The following EPHA5 variants were observed in gnomAD, a reference collection of about 807,000 sequenced individuals.
EPHA5 encodes the protein EPH receptor A5, also known as ephrin type-A receptor 5.
In EPHA5, 60 loss-of-function variants were observed where a neutral mutation model predicts 105.0. The ratio of observed to expected loss-of-function variants is 0.57; its 90% CI spans 0.46 to 0.71. The LOEUF is 0.71. EPHA5 is among the 30% of genes least tolerant of loss of function. The pLI, the probability that EPHA5 is intolerant of heterozygous loss-of-function variation, is 0.00. For synonymous variants in EPHA5, 513 were observed against 449.1 expected (o/e 1.14, Z -1.80); for missense variants, 1,218 against 1,274.7 (o/e 0.96, Z 0.68).
intron 3 of EPHA5, among the ~76,000 whole-genome samples, chr4:65,511,862 T>C (rs773754055): frequency 6.6e-6 from 1 of 152,168 alleles, no homozygotes; most frequent in Non-Finnish European, 1.5e-5. Flanking sequence ...CAAAACACCT[T>C]GTAGGTTTCC....
intron 3 of EPHA5, among the ~76,000 whole-genome samples, chr4:65,597,270 C>T (rs912545855): frequency 2.0e-5 from 3 of 152,134 alleles, no homozygotes; most frequent in African/African-American, 4.8e-5. Context: ...CAAATTACTA[C>T]TTCATTCCAC....
intron 3 of EPHA5, among the ~76,000 whole-genome samples, chr4:65,552,721 C>A (rs1195703624): frequency 3.9e-5 from 6 of 152,136 alleles, no homozygotes; most frequent in Non-Finnish European, 8.8e-5. Context: ...AAATATCAAT[C>A]ATGTTCAAGG....
At chr4:65,538,474 C>T (rs537098304) in intron 3 of EPHA5, among the ~76,000 whole-genome samples, 1 of 151,876 alleles carries the variant, frequency 6.6e-6, no homozygotes, top group South Asian at 2.1e-4. Flanking sequence ...CAAAAGTCAT[C>T]GTGCCTTGCC....
At chr4:65,606,109 C>T (rs549330362) in intron 2 of EPHA5, among the ~76,000 whole-genome samples, 4 of 152,266 alleles carry the variant, frequency 2.6e-5, no homozygotes, top group East Asian at 1.9e-4. Context: ...TTCCTTGATT[C>T]GTTGCATTAA....
At chr4:65,380,570 G>C (rs1719455599) in intron 8 of EPHA5, among the ~76,000 whole-genome samples, 1 of 151,636 alleles carries the variant, frequency 6.6e-6, no homozygotes, top group Admixed American at 6.6e-5. Context: ...CATAGAATTG[G>C]ATAATAAAAA....
At chr4:65,409,028 A>C (rs1332309535) in intron 7 of EPHA5, among the ~76,000 whole-genome samples, 1 of 148,534 alleles carries the variant, frequency 6.7e-6, no homozygotes, top group Non-Finnish European at 1.5e-5. Flanking sequence ...GGATGAGTTC[A>C]TGTCCTTTTT....
chr4:65,440,488 T>G (rs1226021172), intron 5 of EPHA5, among the ~76,000 whole-genome samples: 1 of 119,644 alleles, frequency 8.4e-6, no homozygotes, highest in Non-Finnish European at 1.7e-5. Flanking sequence ...ACTTATACTT[T>G]TCCTAAATCT....
At chr4:65,331,759 G>C (rs1310746789) in intron 16 of EPHA5, 3 of 1,231,424 alleles carry the variant, frequency 2.4e-6, no homozygotes, top group Non-Finnish European at 3.0e-6. Flanking sequence ...GTATGCCAAT[G>C]TTATTTGTTT....
intron 2 of EPHA5, among the ~76,000 whole-genome samples, chr4:65,608,068 G>T (rs969599907): frequency 6.6e-6 from 1 of 152,164 alleles, no homozygotes; most frequent in African/African-American, 2.4e-5. Flanking sequence ...GCGGCTAGGG[G>T]AGGGATAGCA....
At chr4:65,520,044 A>C (rs998314993) in intron 3 of EPHA5, among the ~76,000 whole-genome samples, 13 of 152,194 alleles carry the variant, frequency 8.5e-5, no homozygotes, top group African/African-American at 2.9e-4. Context: ...GTTCATATGG[A>C]ACCAAAAAAG....
intron 3 of EPHA5, among the ~76,000 whole-genome samples, chr4:65,557,181 G>A (rs1738533616): frequency 7.0e-6 from 1 of 143,390 alleles, no homozygotes; most frequent in Non-Finnish European, 1.5e-5. Context: ...GGGGCATGGT[G>A]AGAGCAGCTG....
intron 5 of EPHA5, among the ~76,000 whole-genome samples, chr4:65,459,806 A>C (rs550347242): frequency 6.6e-5 from 10 of 151,958 alleles, no homozygotes; most frequent in Admixed American, 1.3e-4. Flanking sequence ...AATATGGGAG[A>C]CAGTAATTTT....
chr4:65,559,120 C>A (rs190961982), intron 3 of EPHA5, among the ~76,000 whole-genome samples: 1 of 152,108 alleles, frequency 6.6e-6, no homozygotes, highest in Admixed American at 6.6e-5. Context: ...AATTTATTTT[C>A]TCTCTTTTTA....
chr4:65,538,429 TC>T (rs1736502656), intron 3 of EPHA5, among the ~76,000 whole-genome samples: 1 of 151,676 alleles, frequency 6.6e-6, no homozygotes, highest in Non-Finnish European at 1.5e-5. Flanking sequence ...CCAAGCAATA[TC>T]CCTGAATGTA....
intron 7 of EPHA5, among the ~76,000 whole-genome samples, chr4:65,407,576 T>G (rs541113531): frequency 1.2e-3 from 178 of 152,092 alleles, no homozygotes; most frequent in African/African-American, 4.1e-3. Context: ...ATATTCTATG[T>G]GTTTATCTAA....
In EPHA5 at chr4:65,586,076, G is replaced by A. The variant is rs187348478; in HGVS notation, c.910+15565C>T. ...GAGAGAGAGTACACTTAGGGAAATT[G>A]GATTTGCAGTCAAATTTTCCTTAAT... On this transcript the variant is annotated intron_variant, in intron 3 of 16. Transcript: ENST00000613740. 5.0e-4 allele frequency among the ~76,000 whole-genome samples: 75 copies of A among 151,462 alleles called. 1 individual carries two copies. Among genetic ancestry groups the A allele is most frequent in the Admixed American group, 3.6e-3 (54 of 15,162 alleles).
intron 1 of EPHA5, among the ~76,000 whole-genome samples, chr4:65,650,479 G>A (rs1014959327): frequency 8.6e-5 from 13 of 150,418 alleles, no homozygotes; most frequent in Non-Finnish European, 1.5e-5. Context: ...AGAATGGCGT[G>A]AACTTAGGAG....
chr4:65,552,273 A>G (rs1472779660), intron 3 of EPHA5, among the ~76,000 whole-genome samples: 2 of 152,036 alleles, frequency 1.3e-5, no homozygotes, highest in East Asian at 1.9e-4. Context: ...CCACATTACA[A>G]TTTTCACACT....
At chr4:65,404,297 C>T (rs1328196872) in intron 8 of EPHA5, 77 bp downstream of exon 8, 2 of 1,228,854 alleles carry the variant, frequency 1.6e-6, no homozygotes, top group Non-Finnish European at 2.4e-6. Flanking sequence ...TTGGGATGTG[C>T]TCAACAGCCA....
Sources: allele counts gnomAD v4.1 joint callset (sites outside exome capture counted in the v4.1 genomes callset), GRCh38; gene constraint gnomAD v4.1.1; transcripts MANE v1.5; gene names NCBI Gene and HGNC (gene_info 2026-07-23, HGNC 2026-07-21).